The following TDRD10 variants were observed in gnomAD, a reference collection of about 807,000 sequenced individuals.
TDRD10 encodes tudor domain containing 10, also known as tudor domain-containing protein 10.
Under a neutral mutation model 48.0 loss-of-function variants are expected in TDRD10, and 40 were observed. The ratio of observed to expected loss-of-function variants is 0.83; its 90% CI spans 0.65 to 1.09. The LOEUF (loss-of-function observed/expected upper bound fraction) is 1.09. Among genes scored for constraint, TDRD10 ranks in the 50% least tolerant of loss-of-function variants. TDRD10 has a pLI of 0.00. For missense variants in TDRD10, 378 were observed against 434.7 expected (o/e 0.87, Z 1.16); for synonymous variants, 162 against 170.4 (o/e 0.95, Z 0.38).
chr1:154,513,525 A>C (rs1693591973), intron 4 of TDRD10, among the ~76,000 whole-genome samples: 1 of 152,216 alleles, frequency 6.6e-6, no homozygotes, highest in African/African-American at 2.4e-5. Flanking sequence ...TTCATTAGGT[A>C]AAGTATTGAT....
At chr1:154,511,979 G>A (rs1333091424) in intron 4 of TDRD10, among the ~76,000 whole-genome samples, 4 of 151,602 alleles carry the variant, frequency 2.6e-5, no homozygotes, top group Middle Eastern at 3.2e-3. Context: ...CAAGTGAGAC[G>A]AGATCATGCC....
At chr1:154,520,855 A>G (rs1360234997) in intron 5 of TDRD10, among the ~76,000 whole-genome samples, 1 of 152,052 alleles carries the variant, frequency 6.6e-6, no homozygotes, top group Non-Finnish European at 1.5e-5. Flanking sequence ...CTCCCACCTC[A>G]GCCTCCGAAG....
Position 154,544,358 on chromosome 1 carries a change from T to C in TDRD10, c.652-14T>C. 1 of 1,573,120 alleles carries C rather than the reference T, an allele frequency of 6.4e-7. No homozygotes were observed. Among genetic ancestry groups the C allele is most frequent in the Non-Finnish European group, 8.6e-7 (1 of 1,158,920 alleles). ...AGTGCAGGCAGTGGGGCCGTTGCGT[T>C]TTGCACCCCACAGGCTCTGCACCAG... On this transcript the variant is annotated splice_polypyrimidine_tract_variant and intron_variant, in intron 9 of 12. Coordinates refer to ENST00000368482, the MANE Select transcript of TDRD10 (RefSeq NM_182499.4).
At chr1:154,546,385 ATATAAAATATATG>A (rs2149357877) in intron 11 of TDRD10, among the ~76,000 whole-genome samples, 1 of 140,486 alleles carries the variant, frequency 7.1e-6, no homozygotes, top group East Asian at 2.0e-4. Context: ...ATATATATAT[ATATAAAATATATG>A]TATAATGTAA....
At chr1:154,536,236 C>T (rs1361681166) in intron 6 of TDRD10, among the ~76,000 whole-genome samples, 1 of 152,050 alleles carries the variant, frequency 6.6e-6, no homozygotes, top group Admixed American at 6.6e-5. Context: ...ATTAGCTGGG[C>T]GTGGTGGCAC....
chr1:154,519,056 A>G (rs2149324062), intron 4 of TDRD10, among the ~76,000 whole-genome samples: 1 of 152,340 alleles, frequency 6.6e-6, no homozygotes, highest in South Asian at 2.1e-4. Flanking sequence ...AACCTCTCTG[A>G]TCCTTATTTT....
intron 6 of TDRD10, among the ~76,000 whole-genome samples, chr1:154,530,882 T>C (rs535734874): frequency 2.2e-4 from 31 of 143,678 alleles, no homozygotes; most frequent in African/African-American, 7.8e-4. Flanking sequence ...TTTTTTTTTT[T>C]GAGACGAGTC....
intron 6 of TDRD10, among the ~76,000 whole-genome samples, chr1:154,529,731 T>C (rs1694506530): frequency 6.6e-6 from 1 of 151,352 alleles, no homozygotes; most frequent in South Asian, 2.1e-4. Flanking sequence ...TTTTAGTAGA[T>C]ACGGGGTTTC....
intron 1 of TDRD10, among the ~76,000 whole-genome samples, chr1:154,504,183 C>A (rs1693015344): frequency 6.6e-6 from 1 of 152,170 alleles, no homozygotes; most frequent in Non-Finnish European, 1.5e-5. Context: ...TCATCCAGGT[C>A]GTATAGCATG....
Position 154,544,778 on chromosome 1 carries a change from C to A in TDRD10, c.798-17C>A. 1.2e-6 allele frequency: 2 copies of A among 1,612,846 alleles called. No individual in the cohort carries two copies. Among genetic ancestry groups the A allele is most frequent in the African/African-American group, 1.3e-5 (1 of 75,044 alleles). On this transcript the variant is annotated splice_polypyrimidine_tract_variant and intron_variant, in intron 10 of 12. Transcript: ENST00000368482. ...GGCGGAATGATTGTCCTCTGTCTTTCTCTTTTCCTCTGCCAGGTGTTGGGT... is the reference window on the plus strand; with the variant it reads ...GGCGGAATGATTGTCCTCTGTCTTTATCTTTTCCTCTGCCAGGTGTTGGGT...
Position 154,510,626 on chromosome 1 carries a change from G to A in TDRD10, c.141+2145G>A, listed in dbSNP as rs544684205. On this transcript the variant is annotated intron_variant, in intron 4 of 12. Transcript: ENST00000368482. ...AAAACAAAAACAAAAAAACTGAAAC[G>A]TCTAAGATTTTACCCTGATTACAAA... 1.3e-4 allele frequency among the ~76,000 whole-genome samples: 19 copies of A among 151,902 alleles called. No individual in the cohort carries two copies. In the South Asian group the frequency reaches 2.3e-3, roughly 18 times the overall value.
Position 154,547,470 on chromosome 1 carries a change from G to A in TDRD10, c.1014G>A (p.Leu338=), listed in dbSNP as rs1426735246. Reference sequence around the variant, plus strand: ...TCAAAGGGAAAATCACTGGTGCTTTGAACTCGGCGGTAACTGCTCCTGCAT... The same window carrying A: ...TCAAAGGGAAAATCACTGGTGCTTTAAACTCGGCGGTAACTGCTCCTGCAT... ...RILKGKITGA[L]NSALHILKFE... is the part of the protein sequence containing the mutation. The change falls in exon 12 of 13, where the codon TTG becomes TTA. Residue 338 remains leucine, a synonymous_variant. Coordinates refer to ENST00000368482, the MANE Select transcript of TDRD10 (RefSeq NM_182499.4). 1 of 1,614,222 alleles carries A rather than the reference G, an allele frequency of 6.2e-7. No homozygotes were observed. The highest frequency in any genetic ancestry group is 1.7e-5 in the Admixed American group (1 of 60,030).
chr1:154,526,356 CAG>C (rs910843928), intron 6 of TDRD10, among the ~76,000 whole-genome samples: 3 of 151,616 alleles, frequency 2.0e-5, no homozygotes, highest in Non-Finnish European at 4.4e-5. Context: ...GCCTGGGCAA[CAG>C]AGTGAGACCC....
In TDRD10 at chr1:154,548,103, A is replaced by T; in HGVS notation, c.*393A>T. ...CTGGCATTCCATGTAGAATAGGTAGAGAATATTTAACCAATGAGCAAATAA... is the reference window on the plus strand; with the variant it reads ...CTGGCATTCCATGTAGAATAGGTAGTGAATATTTAACCAATGAGCAAATAA... On this transcript the variant is annotated 3_prime_UTR_variant, in exon 13 of 13. Coordinates refer to ENST00000368482, the MANE Select transcript of TDRD10 (RefSeq NM_182499.4). 1 of 243,422 alleles carries T rather than the reference A, an allele frequency of 4.1e-6. No homozygotes were observed. The allele number at this position is 243,422 out of a possible 1,614,324, so 15.1% of individuals were successfully genotyped here. A position where few individuals can be genotyped will look rare whatever the true frequency, so the allele number is the denominator to read the frequency against.
At chr1:154,505,008 C>CA (rs1009140261) in intron 1 of TDRD10, among the ~76,000 whole-genome samples, 4 of 152,066 alleles carry the variant, frequency 2.6e-5, no homozygotes, top group African/African-American at 9.7e-5. Context: ...ACAACAACAA[C>CA]AAAAAACTAC....
chr1:154,542,111 G>A (rs1695274139), intron 7 of TDRD10, 45 bp downstream of exon 7: 1 of 1,607,558 alleles, frequency 6.2e-7, no homozygotes, highest in East Asian at 2.2e-5. Flanking sequence ...TGGCTTTGCA[G>A]CTCCTAATGG....
intron 6 of TDRD10, chr1:154,534,486 G>T (rs552905682): frequency 6.6e-6 from 1 of 152,238 alleles, no homozygotes; most frequent in Non-Finnish European, 1.5e-5. Flanking sequence ...AGCCTGCTCC[G>T]ATCAAGTCAG....
intron 1 of TDRD10, among the ~76,000 whole-genome samples, chr1:154,503,899 C>T (rs975392737): frequency 3.9e-5 from 6 of 152,144 alleles, no homozygotes; most frequent in Non-Finnish European, 2.9e-5. Flanking sequence ...CCATAAAATT[C>T]ACCTGTTTTA....
At chr1:154,508,855 C>A (rs1186907777) in intron 4 of TDRD10, among the ~76,000 whole-genome samples, 1 of 152,106 alleles carries the variant, frequency 6.6e-6, no homozygotes, top group Non-Finnish European at 1.5e-5. Flanking sequence ...AAAAATGACA[C>A]CTATTTGACT....
Sources: gnomAD v4.1 joint callset for allele counts (sites outside exome capture counted in the v4.1 genomes callset) on GRCh38, gnomAD v4.1.1 for gene constraint, MANE v1.5 for transcripts, NCBI Gene and HGNC (gene_info 2026-07-23, HGNC 2026-07-21) for gene names.